Variants in UBAP2 observed in about 807,000 individuals in gnomAD.
UBAP2 encodes ubiquitin associated protein 2.
UBAP2 carries 75 observed loss-of-function variants against 139.6 expected under a neutral mutation model. The ratio of observed to expected loss-of-function variants is 0.54; its 90% CI spans 0.45 to 0.65. The LOEUF is 0.65. UBAP2 is among the 30% of genes least tolerant of loss of function. The pLI, the probability that UBAP2 is intolerant of heterozygous loss-of-function variation, is 0.00. For missense variants in UBAP2, 1,368 were observed against 1,369.6 expected (o/e 1.00, Z 0.02); for synonymous variants, 526 against 526.2 (o/e 1.00, Z 0.01).
chr9:33,933,621 C>G lies in UBAP2; in HGVS notation c.1977G>C (p.Lys659Asn). 1 of 1,613,694 alleles carries G rather than the reference C, an allele frequency of 6.2e-7. No individual in the cohort carries two copies. The highest frequency in any genetic ancestry group is 8.5e-7 in the Non-Finnish European group (1 of 1,179,976). ...GRSQQTLDTP[K>N]TTGPPSALPS... ...GGAGGGCAGAGGGAGGGCCTGTTGT[C>G]TTTGGAGCTGGAACAGATGAAGTAG... The change falls in exon 18 of 29, where the codon AAG becomes AAC. Residue 659 changes from lysine to asparagine, a missense_variant. Coordinates refer to ENST00000379238, the MANE Select transcript of UBAP2 (RefSeq NM_001370062.2).
At chr9:33,938,859 A>C (rs764885275) in intron 16 of UBAP2, 2 of 440,088 alleles carry the variant, frequency 4.5e-6, no homozygotes, top group South Asian at 3.3e-5. Flanking sequence ...TTCTTGTTTC[A>C]GTGCCCATCT....
At chr9:33,956,267 G>C in intron 10 of UBAP2, 121 bp from the exon 11 acceptor site, 1 of 579,222 alleles carries the variant, frequency 1.7e-6, no homozygotes, top group South Asian at 2.7e-5. Context: ...CTATTCTAAA[G>C]AAAATGAAAT....
In UBAP2 at chr9:33,923,050, TTGTTCCCCACAGCAG is replaced by T. The variant is rs776364510; in HGVS notation, c.3005-32_3005-18del. The T allele has an allele frequency of 1.2e-6, 2 of 1,614,034 alleles. No individual in the cohort carries two copies. The highest frequency in any genetic ancestry group is 1.7e-5 in the Admixed American group (1 of 60,020). Reference sequence around the variant, plus strand: ...CTGATACTCCTAGGAGGAAAAGCAGTTGTTCCCCACAGCAGTTGTTCCCAGCTCCAGGCTCCCCAC... The same window carrying T: ...CTGATACTCCTAGGAGGAAAAGCAGTTTGTTCCCAGCTCCAGGCTCCCCAC... On this transcript the variant is annotated intron_variant, in intron 26 of 28. Transcript: ENST00000379238.
intron 1 of UBAP2, among the ~76,000 whole-genome samples, chr9:34,024,933 G>A (rs1785501): frequency 0.6 from 90,965 of 151,256 alleles, 27,688 homozygotes; most frequent in East Asian, 0.81. Flanking sequence ...GCAGTGAACC[G>A]AGATCATGCC....
chr9:33,924,362 G>A, intron 22 of UBAP2, 78 bp from the exon 23 acceptor site: 1 of 1,397,758 alleles, frequency 7.2e-7, no homozygotes, highest in Non-Finnish European at 1.0e-6. Context: ...ACATGGAAGT[G>A]GTGACGCCAC....
At chr9:34,026,519 C>A (rs1307588166) in intron 1 of UBAP2, among the ~76,000 whole-genome samples, 1 of 152,112 alleles carries the variant, frequency 6.6e-6, no homozygotes, top group African/African-American at 2.4e-5. Flanking sequence ...AGTCATGAGA[C>A]CAGTGGTGCA....
chr9:34,042,607 C>G (rs1410801325), intron 1 of UBAP2, among the ~76,000 whole-genome samples: 1 of 151,588 alleles, frequency 6.6e-6, no homozygotes, highest in Non-Finnish European at 1.5e-5. Flanking sequence ...GGCAACATAG[C>G]TAGACCTTGT....
At chr9:34,023,777 A>G (rs1758630) in intron 1 of UBAP2, among the ~76,000 whole-genome samples, 122,954 of 152,216 alleles carry the variant, frequency 0.81, 49,787 homozygotes, top group Middle Eastern at 0.87. Flanking sequence ...CGGGTGCAGT[A>G]GCTCACGCCT....
intron 1 of UBAP2, among the ~76,000 whole-genome samples, chr9:34,031,353 C>G (rs918430583): frequency 2.0e-5 from 3 of 151,888 alleles, no homozygotes; most frequent in African/African-American, 7.3e-5. Context: ...TTTAGCCAGG[C>G]GTGGTGGCAT....
chr9:34,037,981 T>C (rs888193319), intron 1 of UBAP2, among the ~76,000 whole-genome samples: 1 of 113,996 alleles, frequency 8.8e-6, no homozygotes, highest in Admixed American at 1.2e-4. Context: ...TGCAATATGA[T>C]GAAACCCTGT....
chr9:33,969,866 A>AC (rs1236297558), intron 8 of UBAP2, among the ~76,000 whole-genome samples: 5 of 89,372 alleles, frequency 5.6e-5, no homozygotes, highest in African/African-American at 1.7e-4. Flanking sequence ...CACCTCAAAC[A>AC]CCCCCCCACC....
intron 2 of UBAP2, among the ~76,000 whole-genome samples, chr9:34,004,054 G>A (rs1022613285): frequency 2.0e-5 from 3 of 152,080 alleles, no homozygotes; most frequent in Admixed American, 6.6e-5. Context: ...ATACAAAGAA[G>A]TAAAACTATA....
chr9:33,963,349 AT>A (rs1827214457), intron 9 of UBAP2, among the ~76,000 whole-genome samples: 2 of 152,020 alleles, frequency 1.3e-5, no homozygotes, highest in Admixed American at 1.3e-4. Context: ...GAATATTAAA[AT>A]TTTAATTTGG....
chr9:33,981,034 A>G (rs1429521323), intron 6 of UBAP2, among the ~76,000 whole-genome samples: 1 of 134,972 alleles, frequency 7.4e-6, no homozygotes, highest in African/African-American at 2.8e-5. Context: ...TTATGTCAAG[A>G]CCAAAAAAAT....
At chr9:33,959,131 A>G (rs1826816887) in intron 10 of UBAP2, among the ~76,000 whole-genome samples, 1 of 151,408 alleles carries the variant, frequency 6.6e-6, no homozygotes. Context: ...CTGGTGACAG[A>G]GCGAGAGCAA....
intron 14 of UBAP2, 109 bp downstream of exon 14, chr9:33,944,256 T>C (rs959402391): frequency 2.1e-5 from 29 of 1,408,460 alleles, no homozygotes; most frequent in Non-Finnish European, 2.7e-5. Context: ...CAATAAGCTA[T>C]GTGCTTGAAA....
At chr9:34,040,567 G>A (rs12350059) in intron 1 of UBAP2, among the ~76,000 whole-genome samples, 19,359 of 152,004 alleles carry the variant, frequency 0.13, 1,577 homozygotes, top group African/African-American at 0.22. Context: ...CCAACATAGC[G>A]ATACACTCTA....
chr9:33,985,659 A>C (rs1821142235), intron 6 of UBAP2, among the ~76,000 whole-genome samples: 2 of 152,178 alleles, frequency 1.3e-5, no homozygotes, highest in South Asian at 4.1e-4. Context: ...CCAGAGGCAG[A>C]GAAGGTGATG....
intron 2 of UBAP2, among the ~76,000 whole-genome samples, chr9:34,010,348 T>C (rs1467560357): frequency 3.5e-5 from 5 of 144,492 alleles, no homozygotes; most frequent in Non-Finnish European, 7.5e-5. Flanking sequence ...CACTTGAACC[T>C]GGGAGATGGA....
Sources: allele counts gnomAD v4.1 joint callset (sites outside exome capture counted in the v4.1 genomes callset), GRCh38; gene constraint gnomAD v4.1.1; transcripts MANE v1.5; gene names NCBI Gene and HGNC (gene_info 2026-07-23, HGNC 2026-07-21).